Variants in LINGO2 observed in about 807,000 individuals in gnomAD.
The protein encoded by LINGO2 is leucine rich repeat and Ig domain containing 2.
A neutral mutation model predicts 30.6 loss-of-function variants in LINGO2; 14 were observed. The observed-to-expected ratio is 0.46, with a 90% CI of 0.30 to 0.72. The LOEUF is 0.72. Ranked by LOEUF, LINGO2 falls within the 30% of genes least tolerant of loss-of-function variation. LINGO2 has a pLI of 0.07. For synonymous variants in LINGO2, 317 were observed against 288.5 expected (o/e 1.10, Z -1.00); for missense variants, 729 against 751.7 (o/e 0.97, Z 0.35).
At chr9:28,277,861 A>AC (rs2094845614) in intron 4 of LINGO2, among the ~76,000 whole-genome samples, 1 of 151,724 alleles carries the variant, frequency 6.6e-6, no homozygotes, top group Non-Finnish European at 1.5e-5. Flanking sequence ...AAAAAAAAAA[A>AC]CAACTAGAAA....
chr9:28,241,678 C>T (rs1364406761), intron 4 of LINGO2, among the ~76,000 whole-genome samples: 4 of 152,254 alleles, frequency 2.6e-5, no homozygotes, highest in East Asian at 1.9e-4. Flanking sequence ...TGAGTGAGAT[C>T]CCCCAACAGG....
intron 5 of LINGO2, among the ~76,000 whole-genome samples, chr9:27,970,013 G>C (rs1284995398): frequency 6.6e-6 from 1 of 152,150 alleles, no homozygotes; most frequent in African/African-American, 2.4e-5. Flanking sequence ...GCTTTATCAA[G>C]GCCTCATAAT....
At chr9:28,730,932 G>T in the LINGO2 span, among the ~76,000 whole-genome samples, 3 of 152,094 alleles carry the variant, frequency 2.0e-5, no homozygotes, top group East Asian at 1.9e-4. Flanking sequence ...AAAGCAGTTT[G>T]CCAGTTTCTT....
the LINGO2 span, among the ~76,000 whole-genome samples, chr9:29,085,972 TG>T: frequency 2.0e-5 from 3 of 152,226 alleles, no homozygotes; most frequent in South Asian, 6.2e-4. Flanking sequence ...TTGTGCCCGT[TG>T]GATCAACAGA....
intron 4 of LINGO2, among the ~76,000 whole-genome samples, chr9:28,258,480 T>A (rs1822454593): frequency 6.6e-6 from 1 of 151,942 alleles, no homozygotes; most frequent in Non-Finnish European, 1.5e-5. Flanking sequence ...AAAACTTTTC[T>A]GGACCCTGAA....
intron 1 of LINGO2, among the ~76,000 whole-genome samples, chr9:28,532,604 G>C (rs1352501966): frequency 6.6e-6 from 1 of 152,040 alleles, no homozygotes; most frequent in Non-Finnish European, 1.5e-5. Context: ...ATTTGGTGGG[G>C]AGGTTAAGCT....
the LINGO2 span, among the ~76,000 whole-genome samples, chr9:29,161,576 CTTGATAG>C: frequency 6.6e-6 from 1 of 152,150 alleles, no homozygotes; most frequent in African/African-American, 2.4e-5. Flanking sequence ...CCTGGAGGGC[CTTGATAG>C]TTTGCTGGGC....
chr9:28,498,951 T>A (rs1040877223), intron 1 of LINGO2, among the ~76,000 whole-genome samples: 3 of 152,202 alleles, frequency 2.0e-5, no homozygotes, highest in African/African-American at 7.2e-5. Context: ...TTATCCACTA[T>A]GATATTTTAC....
At chr9:28,042,442 C>A (rs1037694378) in intron 4 of LINGO2, among the ~76,000 whole-genome samples, 1 of 152,128 alleles carries the variant, frequency 6.6e-6, no homozygotes, top group Non-Finnish European at 1.5e-5. Flanking sequence ...TGAGGATGAG[C>A]TATGTCTTTG....
chr9:27,955,970 G>T (rs1176569640), intron 5 of LINGO2, among the ~76,000 whole-genome samples: 1 of 107,362 alleles, frequency 9.3e-6, no homozygotes, highest in Non-Finnish European at 1.9e-5. Flanking sequence ...ACGGAGTTTC[G>T]CTCTTGTTGC....
At chr9:28,956,504 C>T in the LINGO2 span, among the ~76,000 whole-genome samples, 4 of 151,970 alleles carry the variant, frequency 2.6e-5, no homozygotes, top group South Asian at 6.2e-4. Context: ...CAGACTATTC[C>T]GTATAATGCT....
chr9:28,455,283 T>G (rs984949671), intron 2 of LINGO2, among the ~76,000 whole-genome samples: 2 of 152,046 alleles, frequency 1.3e-5, no homozygotes, highest in Non-Finnish European at 2.9e-5. Flanking sequence ...TCTAATATAC[T>G]AGATTATTAA....
chr9:28,516,888 C>A (rs1221670403), intron 1 of LINGO2, among the ~76,000 whole-genome samples: 1 of 152,160 alleles, frequency 6.6e-6, no homozygotes, highest in African/African-American at 2.4e-5. Context: ...GAAGGTCTGA[C>A]CCTACATTAT....
the LINGO2 span, among the ~76,000 whole-genome samples, chr9:29,107,735 T>C: frequency 6.6e-6 from 1 of 152,094 alleles, no homozygotes; most frequent in Admixed American, 6.6e-5. Context: ...CATTTGCCAA[T>C]AGTTCATCTC....
chr9:28,618,480 T>C (rs1691168285), intron 1 of LINGO2, among the ~76,000 whole-genome samples: 1 of 152,100 alleles, frequency 6.6e-6, no homozygotes, highest in African/African-American at 2.4e-5. Flanking sequence ...ACAAACAGCA[T>C]CCAGAGTGTT....
chr9:28,773,535 C>A, the LINGO2 span, among the ~76,000 whole-genome samples: 1 of 152,030 alleles, frequency 6.6e-6, no homozygotes, highest in Non-Finnish European at 1.5e-5. Flanking sequence ...CAACATTTCC[C>A]CCCATTAAAT....
chr9:28,991,936 G>A, the LINGO2 span, among the ~76,000 whole-genome samples: 292 of 152,176 alleles, frequency 1.9e-3, 1 homozygote, highest in African/African-American at 6.7e-3. Context: ...GACCATCGAG[G>A]CTAGGAATAA....
intron 4 of LINGO2, among the ~76,000 whole-genome samples, chr9:28,274,518 T>C (rs548958312): frequency 7.4e-4 from 113 of 152,322 alleles, no homozygotes; most frequent in African/African-American, 2.6e-3. Context: ...ACTGTGAAAA[T>C]TGAAGATTTT....
At chr9:28,402,670 G>C (rs1274065433) in intron 2 of LINGO2, among the ~76,000 whole-genome samples, 2 of 151,246 alleles carry the variant, frequency 1.3e-5, no homozygotes, top group Non-Finnish European at 2.9e-5. Context: ...TCTCTGTTTA[G>C]ATCAGAATTA....
Sources: allele counts gnomAD v4.1 joint callset (sites outside exome capture counted in the v4.1 genomes callset), GRCh38; gene constraint gnomAD v4.1.1; transcripts MANE v1.5; gene names NCBI Gene and HGNC (gene_info 2026-07-23, HGNC 2026-07-21).